Variants in NEK7 observed in about 807,000 individuals in gnomAD.
NEK7 encodes the protein serine/threonine-protein kinase Nek7.
A neutral mutation model predicts 44.6 loss-of-function variants in NEK7; 18 were observed. The observed-to-expected ratio is 0.40, with a 90% CI of 0.28 to 0.60. The LOEUF is 0.60. NEK7 is among the 20% of genes least tolerant of loss of function. The probability of loss-of-function intolerance (pLI) is 0.38; values close to 1 mark genes in which losing one functional copy is unlikely to be tolerated. For missense variants in NEK7, 256 were observed against 366.5 expected (o/e 0.70, Z 2.46); for synonymous variants, 130 against 121.1 (o/e 1.07, Z -0.48).
intron 2 of NEK7, among the ~76,000 whole-genome samples, chr1:198,238,438 A>G (rs577739299): frequency 1.3e-5 from 2 of 151,618 alleles, no homozygotes; most frequent in Non-Finnish European, 2.9e-5. Flanking sequence ...TCATCTTCTG[A>G]CCTCCTCATT....
intron 1 of NEK7, among the ~76,000 whole-genome samples, chr1:198,159,901 G>T (rs1042512671): frequency 1.3e-5 from 2 of 152,188 alleles, no homozygotes; most frequent in African/African-American, 4.8e-5. Context: ...TGCAGTTACA[G>T]TTTGTGTAAA....
intron 1 of NEK7, among the ~76,000 whole-genome samples, chr1:198,231,479 A>T (rs1369699901): frequency 1.3e-5 from 2 of 151,306 alleles, no homozygotes; most frequent in African/African-American, 4.8e-5. Flanking sequence ...CTTATATCAT[A>T]AAAAAACTTA....
chr1:198,252,569 A>ATATAT (rs1558079353), intron 2 of NEK7, among the ~76,000 whole-genome samples: 548 of 20,902 alleles, frequency 0.026, 13 homozygotes, highest in Admixed American at 0.037. Context: ...TATATATATA[A>ATATAT]AAAGTACATA....
Position 198,278,032 on chromosome 1 carries a change from A to T in NEK7, c.444A>T (p.Ala148=). 6.3e-7 allele frequency: 1 copy of T among 1,597,134 alleles called. No homozygotes were observed. The highest frequency in any genetic ancestry group is 1.1e-5 in the South Asian group (1 of 90,586). The change falls in exon 6 of 10, where the codon GCA becomes GCT. Residue 148 remains alanine (A), a synonymous_variant. Coordinates refer to ENST00000367385, the MANE Select transcript of NEK7 (RefSeq NM_133494.3). ...VWKYFVQLCS[A]LEHMHSRRVM... is the part of the protein sequence containing the mutation. ...AGTATTTTGTTCAGCTTTGCAGTGC[A>T]TTGGAACACATGCATTCTCGAAGAG...
intron 3 of NEK7, among the ~76,000 whole-genome samples, chr1:198,258,750 T>C (rs1653358001): frequency 6.6e-6 from 1 of 152,204 alleles, no homozygotes; most frequent in South Asian, 2.1e-4. Flanking sequence ...TCTTACCAAG[T>C]ATAAAATGAG....
intron 1 of NEK7, among the ~76,000 whole-genome samples, chr1:198,215,230 G>A (rs12746161): frequency 0.097 from 14,722 of 152,094 alleles, 1,022 homozygotes; most frequent in South Asian, 0.26. Flanking sequence ...ACCCCTGAAA[G>A]CATAAAGTTC....
rs1209611301 is a variant in NEK7 at position 198,305,347 on chromosome 1, A to G, written c.798+8107A>G. 5.3e-5 allele frequency among the ~76,000 whole-genome samples: 8 copies of G among 152,318 alleles called. No homozygotes were observed. The South Asian group carries it at 1.2e-3, about 24-fold the overall frequency. ...GAACATGGTTAATAATGTAGTACTT[A>G]GAATCATTGCACAGTATTGGATAAA... On this transcript the variant is annotated intron_variant, in intron 9 of 9. Coordinates refer to ENST00000367385, the MANE Select transcript of NEK7 (RefSeq NM_133494.3).
At chr1:198,211,782 G>A (rs768198896) in intron 1 of NEK7, among the ~76,000 whole-genome samples, 1 of 152,196 alleles carries the variant, frequency 6.6e-6, no homozygotes, top group Non-Finnish European at 1.5e-5. Context: ...AGACAAAACT[G>A]TGTGTAAAGG....
chr1:198,319,327 A>G (rs1181029533), intron 9 of NEK7, 85 bp from the exon 10 acceptor site: 5 of 757,594 alleles, frequency 6.6e-6, no homozygotes, highest in South Asian at 1.8e-5. Context: ...TGTAAAATCT[A>G]TAGCTATTCA....
At chr1:198,253,508 G>A (rs1273117991) in intron 3 of NEK7, among the ~76,000 whole-genome samples, 1 of 152,090 alleles carries the variant, frequency 6.6e-6, no homozygotes, top group Non-Finnish European at 1.5e-5. Flanking sequence ...AAGTTCTACA[G>A]CTATAGGCAC....
At chr1:198,219,896 T>C (rs1429745375) in intron 1 of NEK7, among the ~76,000 whole-genome samples, 4 of 130,012 alleles carry the variant, frequency 3.1e-5, no homozygotes, top group Non-Finnish European at 6.3e-5. Context: ...ATGAAATCAC[T>C]CTTTTTCCCT....
chr1:198,271,004 C>G (rs1201277534), intron 5 of NEK7, among the ~76,000 whole-genome samples: 1 of 151,970 alleles, frequency 6.6e-6, no homozygotes, highest in Admixed American at 6.6e-5. Flanking sequence ...TTCCTACTTC[C>G]CTCCTGGTTG....
chr1:198,171,593 C>T (rs1186095892), intron 1 of NEK7, among the ~76,000 whole-genome samples: 5 of 151,576 alleles, frequency 3.3e-5, no homozygotes, highest in Admixed American at 1.3e-4. Context: ...GCAGGAGAAT[C>T]GCTGGAACCC....
chr1:198,252,528 C>CTATATATATATA (rs1162099133), intron 2 of NEK7, among the ~76,000 whole-genome samples: 75 of 32,588 alleles, frequency 2.3e-3, no homozygotes, highest in South Asian at 4.1e-3. Flanking sequence ...ATCTCACATA[C>CTATATATATATA]TATATATATA....
chr1:198,284,397 G>GCT (rs993607900), intron 7 of NEK7, among the ~76,000 whole-genome samples: 2 of 152,098 alleles, frequency 1.3e-5, no homozygotes, highest in African/African-American at 4.8e-5. Context: ...GACATAGTTT[G>GCT]CTCTCTCTCC....
chr1:198,254,672 T>C (rs1207118975), intron 3 of NEK7, among the ~76,000 whole-genome samples: 3 of 152,190 alleles, frequency 2.0e-5, no homozygotes, highest in African/African-American at 7.2e-5. Flanking sequence ...AGAATTTCTC[T>C]CTTGTTTGTG....
chr1:198,212,633 T>A (rs576900098), intron 1 of NEK7, among the ~76,000 whole-genome samples: 1 of 152,314 alleles, frequency 6.6e-6, no homozygotes, highest in South Asian at 2.1e-4. Context: ...CACCTGGTTT[T>A]GCTCCTCTAT....
chr1:198,213,812 T>G (rs557892809), intron 1 of NEK7, among the ~76,000 whole-genome samples: 1 of 152,280 alleles, frequency 6.6e-6, no homozygotes, highest in African/African-American at 2.4e-5. Flanking sequence ...TGCCCACCAT[T>G]GGGATATTGC....
chr1:198,271,200 TAACTC>T (rs1473848403), intron 5 of NEK7, among the ~76,000 whole-genome samples: 4 of 152,014 alleles, frequency 2.6e-5, no homozygotes, highest in African/African-American at 9.7e-5. Flanking sequence ...CCTTCTTGAT[TAACTC>T]AAAGTCAGCT....
Sources: gnomAD v4.1 joint callset for allele counts (sites outside exome capture counted in the v4.1 genomes callset) on GRCh38, gnomAD v4.1.1 for gene constraint, MANE v1.5 for transcripts, NCBI Gene and HGNC (gene_info 2026-07-23, HGNC 2026-07-21) for gene names.